PRXL2A: variants seen among roughly 807,000 people sequenced by gnomAD.
PRXL2A encodes the protein peroxiredoxin-like 2A.
Under a neutral mutation model 25.6 loss-of-function variants are expected in PRXL2A, and 26 were observed. The ratio of observed to expected loss-of-function variants is 1.02; its 90% confidence interval spans 0.74 to 1.41. The LOEUF (loss-of-function observed/expected upper bound fraction) is 1.41, where lower values mean the gene tolerates loss of function less well. PRXL2A is among the 40% of genes most tolerant of loss of function. The pLI is 0.00. For synonymous variants in PRXL2A, 98 were observed against 102.9 expected (o/e 0.95, Z 0.29); for missense variants, 246 against 273.9 (o/e 0.90, Z 0.72).
intron 2 of PRXL2A, among the ~76,000 whole-genome samples, chr10:80,422,130 G>T (rs1844885080): frequency 6.6e-6 from 1 of 152,164 alleles, no homozygotes; most frequent in Non-Finnish European, 1.5e-5. Flanking sequence ...CATTTTTCCA[G>T]AAATGTCCCA....
chr10:80,408,186 C>A (rs927468619), upstream of PRXL2A, among the ~76,000 whole-genome samples: 28 of 142,520 alleles, frequency 2.0e-4, no homozygotes, highest in Non-Finnish European at 3.5e-4. Flanking sequence ...AAAAAAAAAA[C>A]CTATCAAAAG....
At position 80,420,643 on chromosome 10, in the gene PRXL2A, A is replaced by T. The variant is rs761471625; in HGVS notation, c.176A>T (p.Lys59Met). Residue 59 changes from lysine to methionine, a missense_variant and splice_region_variant, in exon 2 of 6, where the codon AAG (lysine) becomes ATG (methionine). Coordinates refer to ENST00000606162, the MANE Select transcript of PRXL2A (RefSeq NM_032333.5). ...LEDIDLKTLE[K>M]EPRTFKAKEL... ...GATATAGACCTGAAAACACTGGAGA[A>T]GGGTAAGTGGTGACCCTTCAGGTCT... 1.9e-6 allele frequency: 3 copies of T among 1,604,256 alleles called. No homozygotes were observed. In the South Asian group the frequency reaches 3.3e-5, roughly 18 times the overall value.
chr10:80,436,049 G>A lies in PRXL2A; in HGVS notation c.*3950G>A, dbSNP rs1169675168. On this transcript the variant is annotated 3_prime_UTR_variant, in exon 6 of 6. Coordinates refer to ENST00000606162, the MANE Select transcript of PRXL2A (RefSeq NM_032333.5). The stretch of plus-strand genomic sequence containing the variant: ...ATACACAGTAGAATCACCTGGTGCG[G>A]GGGTTGGGGGCGGGGTGCAGTGTAA... 3 of 152,036 alleles carry A rather than the reference G, an allele frequency of 2.0e-5. No homozygotes were observed. Among genetic ancestry groups the A allele is most frequent in the African/African-American group, 7.2e-5 (3 of 41,382 alleles). 9.4% of individuals were successfully genotyped at this position (152,036 alleles called of 1,614,324 possible).
intron 1 of PRXL2A, among the ~76,000 whole-genome samples, chr10:80,417,450 G>A (rs866718561): frequency 6.6e-6 from 1 of 152,164 alleles, no homozygotes; most frequent in Non-Finnish European, 1.5e-5. Context: ...AAATTAAGGG[G>A]TCAATTGGAG....
rs148916789 is a variant in PRXL2A, at chr10:80,428,429, C to T, written c.576+933C>T. Among the ~76,000 whole-genome samples the T allele has an allele frequency of 8.1e-3, 1,239 of 152,240 alleles. 19 individuals carry two copies. The highest frequency in any genetic ancestry group is 0.028 in the African/African-American group (1,178 of 41,536). On this transcript the variant is annotated intron_variant, in intron 5 of 5. Transcript: ENST00000606162. ...ACGCCAGCACTTTGGGAGGCCAAGG[C>T]GGGCGGATCACTTGAGGCCAGGAGT...
At chr10:80,423,872 A>G (rs995956673) in intron 3 of PRXL2A, among the ~76,000 whole-genome samples, 1 of 152,210 alleles carries the variant, frequency 6.6e-6, no homozygotes, top group Non-Finnish European at 1.5e-5. Flanking sequence ...ATCTGGTTGC[A>G]TTCCTTCTGA....
intron 4 of PRXL2A, among the ~76,000 whole-genome samples, chr10:80,426,493 TTTCAACTTA>T (rs1324043844): frequency 3.3e-5 from 5 of 152,208 alleles, no homozygotes; most frequent in African/African-American, 1.2e-4. Flanking sequence ...ATATAAGATA[TTTCAACTTA>T]TGATGGGTTT....
At chr10:80,428,836 G>A in intron 5 of PRXL2A, among the ~76,000 whole-genome samples, 1 of 152,172 alleles carries the variant, frequency 6.6e-6, no homozygotes, top group East Asian at 1.9e-4. Flanking sequence ...CACTATTAAT[G>A]TTGATAATTA....
rs1472287527 is a variant in PRXL2A, at chr10:80,436,825, G to GTGTTTGAC, written c.*4730_*4737dup. ...TTGGAAAGAAATGATCTGACCTACCGTGTTTGACTGTCGTAAGATACCCAT... is the reference window on the plus strand; with the variant it reads ...TTGGAAAGAAATGATCTGACCTACCGTGTTTGACTGTTTGACTGTCGTAAGATACCCAT... On this transcript the variant is annotated 3_prime_UTR_variant, in exon 6 of 6. Coordinates refer to ENST00000606162, the MANE Select transcript of PRXL2A (RefSeq NM_032333.5). 2 of 150,432 alleles carry GTGTTTGAC rather than the reference G, an allele frequency of 1.3e-5. No homozygotes were observed. The highest frequency in any genetic ancestry group is 2.4e-5 in the African/African-American group (1 of 41,446). The allele number at this position is 150,432 out of a possible 1,614,324, so 9.3% of individuals were successfully genotyped here.
Position 80,425,869 on chromosome 10 carries a change from G to A in PRXL2A, c.274G>A (p.Ala92Thr). The A allele has an allele frequency of 6.2e-7, 1 of 1,614,256 alleles. No homozygotes were observed. Among genetic ancestry groups the A allele is most frequent in the Non-Finnish European group, 8.5e-7 (1 of 1,180,046 alleles). ...RPGCFLCREE[A>T]ADLSSLKSML... ...TGAACCCTTGTGTCTTCTACAGGAA[G>A]CTGCGGATCTGTCCTCCCTGAAAAG... is the stretch of plus-strand genomic sequence containing the variant. Residue 92 changes from alanine to threonine, a missense_variant, in exon 4 of 6, where the codon GCT becomes ACT. Coordinates refer to ENST00000606162, the MANE Select transcript of PRXL2A (RefSeq NM_032333.5).
chr10:80,427,609 T>G, intron 5 of PRXL2A, 113 bp downstream of exon 5: 2 of 1,028,792 alleles, frequency 1.9e-6, no homozygotes, highest in South Asian at 1.6e-5. Flanking sequence ...CTCCTAGCCT[T>G]CCTTCTAGCA....
Position 80,413,977 on chromosome 10 carries a change from G to T in PRXL2A, c.-3+5334G>T, listed in dbSNP as rs1844563256. On this transcript the variant is annotated intron_variant, in intron 1 of 5. Transcript: ENST00000606162. ...TATAGGAAAGAGACAGGGTCTCGAA[G>T]CTGGAAACTGAATTTGGGGCGGTGG... 6.1e-6 allele frequency: 4 copies of T among 653,448 alleles called. No homozygotes were observed. In the South Asian group the frequency reaches 1.3e-4, roughly 21 times the overall value. 40.5% of individuals were successfully genotyped at this position (653,448 alleles called of 1,614,324 possible). A position where few individuals can be genotyped will look rare whatever the true frequency, so the allele number is the denominator to read the frequency against.
chr10:80,420,255 G>T, intron 1 of PRXL2A: 1 of 1,301,162 alleles, frequency 7.7e-7, no homozygotes, highest in Non-Finnish European at 9.8e-7. Context: ...GAGCTCCACG[G>T]TGCAGGAACC....
chr10:80,422,159 AG>A (rs1195565690), intron 2 of PRXL2A, among the ~76,000 whole-genome samples: 4 of 152,224 alleles, frequency 2.6e-5, no homozygotes, highest in Non-Finnish European at 5.9e-5. Context: ...TGTTCAGGTT[AG>A]AAAAAAGATT....
Position 80,429,720 on chromosome 10 carries a change from A to G in PRXL2A, c.576+2224A>G, listed in dbSNP as rs1845183369. The stretch of plus-strand genomic sequence containing the variant: ...TAGCCTCTCCTTGGAGGTGTTTCCC[A>G]GCGACCACTTCCTGATGTCCTTATG... On this transcript the variant is annotated intron_variant, in intron 5 of 5. Coordinates refer to ENST00000606162, the MANE Select transcript of PRXL2A (RefSeq NM_032333.5). Among the ~76,000 whole-genome samples, 12 of 148,290 alleles carry G rather than the reference A, an allele frequency of 8.1e-5. No homozygotes were observed. In the South Asian group the frequency reaches 2.5e-3, roughly 31 times the overall value.
At chr10:80,422,652 T>TC (rs397785004) in intron 3 of PRXL2A, 144 bp downstream of exon 3, 23 of 562,176 alleles carry the variant, frequency 4.1e-5, no homozygotes, top group African/African-American at 3.8e-4. Flanking sequence ...GGTATTTCTT[T>TC]GATTTGTGCT....
chr10:80,427,295 G>T, intron 4 of PRXL2A, 37 bp from the exon 5 acceptor site: 1 of 1,595,234 alleles, frequency 6.3e-7, no homozygotes, highest in South Asian at 1.1e-5. Context: ...CAGGCATGTA[G>T]AGTACTCATA....
rs1845291742 is a variant in PRXL2A at position 80,432,329 on chromosome 10, G to T, written c.*230G>T. 3 of 451,700 alleles carry T rather than the reference G, an allele frequency of 6.6e-6. No homozygotes were observed. Among genetic ancestry groups the T allele is most frequent in the Non-Finnish European group, 1.2e-5 (3 of 259,944 alleles). The allele number at this position is 451,700 out of a possible 1,614,324, so 28.0% of individuals were successfully genotyped here. A position where few individuals can be genotyped will look rare whatever the true frequency, so the allele number is the denominator to read the frequency against. On this transcript the variant is annotated 3_prime_UTR_variant, in exon 6 of 6. Coordinates refer to ENST00000606162, the MANE Select transcript of PRXL2A (RefSeq NM_032333.5). ...AATGAGGATTATTAAGCTAAAACCT[G>T]GGAAATAGGAGGCTTAAAATTGACT...
Position 80,431,940 on chromosome 10 carries a change from G to A in PRXL2A, c.577-46G>A, listed in dbSNP as rs140107898. The A allele has an allele frequency of 1.8e-4, 254 of 1,418,782 alleles. 2 individuals are homozygous for A. The African/African-American group carries it at 3.0e-3, about 17-fold the overall frequency. The allele number at this position is 1,418,782 out of a possible 1,614,324, so 87.9% of individuals were successfully genotyped here. Reference sequence around the variant, plus strand: ...GGTCCTCGATGCCTGTCTCATGAACGAACGATTTAGGATGAGGACTGACAT... The same window carrying A: ...GGTCCTCGATGCCTGTCTCATGAACAAACGATTTAGGATGAGGACTGACAT... On this transcript the variant is annotated intron_variant, in intron 5 of 5. Transcript: ENST00000606162.
Sources: gnomAD v4.1 joint callset for allele counts (sites outside exome capture counted in the v4.1 genomes callset) on GRCh38, gnomAD v4.1.1 for gene constraint, MANE v1.5 for transcripts, NCBI Gene and HGNC (gene_info 2026-07-23, HGNC 2026-07-21) for gene names.